Variants in PRKCH observed in about 807,000 individuals in gnomAD.
PRKCH encodes protein kinase C eta, also known as protein kinase C eta type.
PRKCH carries 28 observed loss-of-function variants against 82.5 expected under a neutral mutation model. That is an observed-to-expected ratio of 0.34 (90% confidence interval 0.25 to 0.47). The LOEUF is 0.47. Among genes scored for constraint, PRKCH ranks in the 20% least tolerant of loss-of-function variants. PRKCH has a pLI of 1.00. For synonymous variants in PRKCH, 322 were observed against 327.4 expected, an observed-to-expected ratio of 0.98 and a Z score of 0.18; for missense variants, 705 against 881.8, an observed-to-expected ratio of 0.80 and a Z score of 2.54.
intron 10 of PRKCH, among the ~76,000 whole-genome samples, chr14:61,511,085 TCAC>T (rs1410163569): frequency 1.3e-5 from 2 of 151,852 alleles, no homozygotes; most frequent in Non-Finnish European, 2.9e-5. Context: ...GAAAATAGAG[TCAC>T]CACACAGTGA....
At chr14:61,341,821 A>G (rs2045932968) in intron 1 of PRKCH, among the ~76,000 whole-genome samples, 1 of 152,174 alleles carries the variant, frequency 6.6e-6, no homozygotes, top group Non-Finnish European at 1.5e-5. Context: ...CACTGGACTA[A>G]CAATGCTTAA....
At chr14:61,457,915 T>C (rs931783409) in intron 9 of PRKCH, among the ~76,000 whole-genome samples, 3 of 152,228 alleles carry the variant, frequency 2.0e-5, no homozygotes, top group Non-Finnish European at 4.4e-5. Context: ...GAGGGTTGTG[T>C]GTCCCAGGAT....
rs570145954 is a variant in PRKCH at position 61,288,208 on chromosome 14, G to GT, written c.-19+100547dup. 3.3e-4 allele frequency among the ~76,000 whole-genome samples: 50 copies of GT among 151,836 alleles called. No individual in the cohort carries two copies. In the East Asian group the frequency reaches 6.6e-3, roughly 20 times the overall value. On this transcript the variant is annotated intron_variant, in intron 1 of 3. Transcript: ENST00000555185. ...TCAATGAGCCAAATACACATACTCT[G>GT]TTTTTTTCATTTCTTCCCCCAGAAC...
chr14:61,215,463 C>A (rs1252313294), intron 1 of PRKCH, among the ~76,000 whole-genome samples: 2 of 152,124 alleles, frequency 1.3e-5, no homozygotes, highest in Non-Finnish European at 2.9e-5. Flanking sequence ...GCCAGCCAGC[C>A]CTGTAACCTT....
At chr14:61,345,933 C>G (rs2045987100) in intron 1 of PRKCH, among the ~76,000 whole-genome samples, 1 of 151,838 alleles carries the variant, frequency 6.6e-6, no homozygotes, top group African/African-American at 2.4e-5. Flanking sequence ...AACCACTAAG[C>G]TGCATTACAC....
At chr14:61,279,869 T>G in intron 1 of PRKCH, 1 of 554,500 alleles carries the variant, frequency 1.8e-6, no homozygotes, top group Non-Finnish European at 3.2e-6. Context: ...GTGGGAAGAG[T>G]TTGCAAGGAT....
intron 1 of PRKCH, among the ~76,000 whole-genome samples, chr14:61,189,528 C>CCT (rs779696254): frequency 6.6e-6 from 1 of 151,540 alleles, no homozygotes; most frequent in African/African-American, 2.4e-5. Context: ...CTCTCCCCTT[C>CCT]CTCTCTCTCT....
chr14:61,230,528 G>A (rs980552001), intron 1 of PRKCH, among the ~76,000 whole-genome samples: 5 of 152,182 alleles, frequency 3.3e-5, no homozygotes, highest in Admixed American at 6.5e-5. Flanking sequence ...AACTTAGGTC[G>A]TGTCTCATTC....
At chr14:61,475,600 A>G (rs1420419905) in intron 9 of PRKCH, among the ~76,000 whole-genome samples, 1 of 152,244 alleles carries the variant, frequency 6.6e-6, no homozygotes, top group Non-Finnish European at 1.5e-5. Flanking sequence ...CATTAACCTA[A>G]TTAGAAGTCA....
intron 1 of PRKCH, among the ~76,000 whole-genome samples, chr14:61,261,997 A>G (rs986862141): frequency 2.0e-5 from 3 of 152,144 alleles, no homozygotes; most frequent in East Asian, 3.9e-4. Context: ...CGAGGCGGGC[A>G]AATCACGAGG....
chr14:61,324,781 G>A (rs1171803794), intron 1 of PRKCH, among the ~76,000 whole-genome samples: 2 of 152,114 alleles, frequency 1.3e-5, no homozygotes, highest in African/African-American at 4.8e-5. Context: ...TGAAGTTCAG[G>A]ATTAAAGAAA....
At chr14:61,417,946 A>C (rs1882646969) in intron 2 of PRKCH, among the ~76,000 whole-genome samples, 1 of 152,214 alleles carries the variant, frequency 6.6e-6, no homozygotes, top group Non-Finnish European at 1.5e-5. Context: ...GGTAGAGGCC[A>C]GGTCATCTGA....
chr14:61,322,047 G>C lies in PRKCH; in HGVS notation c.-55G>C, dbSNP rs1416528355. Reference sequence around the variant, plus strand: ...AGGGCTGGCCTGAGACGGGACTCCCGGTTCTCCCGCTGCGAAGCAGCGCGG... The same window carrying C: ...AGGGCTGGCCTGAGACGGGACTCCCCGTTCTCCCGCTGCGAAGCAGCGCGG... On this transcript the variant is annotated 5_prime_UTR_variant, in exon 1 of 14. Coordinates refer to ENST00000332981, the MANE Select transcript of PRKCH (RefSeq NM_006255.5). 14 of 1,484,338 alleles carry C rather than the reference G, an allele frequency of 9.4e-6. No individual in the cohort carries two copies. The highest frequency in any genetic ancestry group is 1.3e-5 in the Non-Finnish European group (14 of 1,112,804). 91.9% of individuals were successfully genotyped at this position (1,484,338 alleles called of 1,614,324 possible).
intron 1 of PRKCH, among the ~76,000 whole-genome samples, chr14:61,328,303 A>G (rs1408532537): frequency 6.8e-6 from 1 of 147,128 alleles, no homozygotes; most frequent in Non-Finnish European, 1.5e-5. Flanking sequence ...CCTGACTGCT[A>G]TATTCTTTGA....
chr14:61,517,369 A>G (rs1091680), intron 10 of PRKCH, among the ~76,000 whole-genome samples: 82,646 of 152,184 alleles, frequency 0.54, 27,426 homozygotes, highest in Non-Finnish European at 0.73. Context: ...ATTTTCTGAC[A>G]ATCGAATGTC....
At chr14:61,432,924 T>G (rs141019168) in intron 2 of PRKCH, among the ~76,000 whole-genome samples, 14 of 146,470 alleles carry the variant, frequency 9.6e-5, no homozygotes, top group African/African-American at 1.5e-4. Flanking sequence ...AAAAAAAAAG[T>G]GGGGGGGATA....
At chr14:61,413,884 T>C (rs1481343233) in intron 2 of PRKCH, among the ~76,000 whole-genome samples, 1 of 152,190 alleles carries the variant, frequency 6.6e-6, no homozygotes, top group Non-Finnish European at 1.5e-5. Flanking sequence ...TGAGGGCATC[T>C]ATATTGCCAA....
At chr14:61,218,301 A>G (rs1335538390) in intron 1 of PRKCH, among the ~76,000 whole-genome samples, 4 of 152,002 alleles carry the variant, frequency 2.6e-5, no homozygotes, top group Non-Finnish European at 5.9e-5. Flanking sequence ...TTACCTTTCA[A>G]CCCTATACCC....
chr14:61,210,774 CT>C (rs2044569762), intron 1 of PRKCH, among the ~76,000 whole-genome samples: 7 of 110,810 alleles, frequency 6.3e-5, no homozygotes, highest in Admixed American at 1.7e-4. Flanking sequence ...CTCTCTCTCT[CT>C]CTCTCTCTCT....
Sources: gnomAD v4.1 joint callset for allele counts (sites outside exome capture counted in the v4.1 genomes callset) on GRCh38, gnomAD v4.1.1 for gene constraint, MANE v1.5 for transcripts, NCBI Gene and HGNC (gene_info 2026-07-23, HGNC 2026-07-21) for gene names.